LRMDA: variants seen among roughly 807,000 people sequenced by gnomAD.
LRMDA encodes the protein leucine rich melanocyte differentiation associated, also known as leucine-rich melanocyte differentiation-associated protein.
Under a neutral mutation model 29.8 loss-of-function variants are expected in LRMDA, and 18 were observed. That is an observed-to-expected ratio of 0.60 (90% CI 0.42 to 0.90). The LOEUF is 0.90. LRMDA is among the 40% of genes least tolerant of loss of function. The pLI is 0.00. For missense variants in LRMDA, 273 were observed against 273.9 expected (o/e 1.00, Z 0.02); for synonymous variants, 125 against 109.4 (o/e 1.14, Z -0.89).
At chr10:76,047,695 T>C (rs1436933712) in intron 4 of LRMDA, among the ~76,000 whole-genome samples, 1 of 152,196 alleles carries the variant, frequency 6.6e-6, no homozygotes, top group Non-Finnish European at 1.5e-5. Context: ...CAGGCCAGAT[T>C]TCACCCATGG....
chr10:75,649,377 C>G (rs757087682), intron 2 of LRMDA, among the ~76,000 whole-genome samples: 21 of 152,178 alleles, frequency 1.4e-4, no homozygotes, highest in Admixed American at 3.3e-4. Flanking sequence ...TTACTTCCAC[C>G]TTTTGGCTAT....
intron 5 of LRMDA, among the ~76,000 whole-genome samples, chr10:76,082,214 G>A (rs1319798060): frequency 2.6e-5 from 4 of 152,064 alleles, no homozygotes; most frequent in Non-Finnish European, 2.9e-5. Context: ...CTGTGTATAC[G>A]CAGGGGGCCC....
At chr10:75,709,061 A>G (rs1842404466) in intron 2 of LRMDA, among the ~76,000 whole-genome samples, 1 of 152,114 alleles carries the variant, frequency 6.6e-6, no homozygotes, top group Non-Finnish European at 1.5e-5. Flanking sequence ...TTGCATTGTC[A>G]TTTGCATGGA....
intron 2 of LRMDA, among the ~76,000 whole-genome samples, chr10:75,502,072 C>T (rs1173261366): frequency 6.6e-6 from 1 of 152,200 alleles, no homozygotes; most frequent in East Asian, 1.9e-4. Flanking sequence ...TCTTGTGGCT[C>T]TGCTCTCCCC....
intron 5 of LRMDA, among the ~76,000 whole-genome samples, chr10:76,216,440 T>TA (rs1422486014): frequency 6.6e-6 from 1 of 152,200 alleles, no homozygotes; most frequent in African/African-American, 2.4e-5. Flanking sequence ...GGATCAGTAT[T>TA]AAGAGTATGT....
chr10:75,875,058 C>T (rs1845173399), intron 2 of LRMDA, among the ~76,000 whole-genome samples: 1 of 152,204 alleles, frequency 6.6e-6, no homozygotes, highest in African/African-American at 2.4e-5. Flanking sequence ...ACTTAGCCAT[C>T]CACCAGCCCC....
intron 2 of LRMDA, among the ~76,000 whole-genome samples, chr10:75,841,815 A>G (rs1422965352): frequency 1.3e-5 from 2 of 152,196 alleles, no homozygotes; most frequent in African/African-American, 2.4e-5. Flanking sequence ...TGCTTGCTCC[A>G]GAACTGATCT....
In LRMDA at chr10:76,365,107, T is replaced by TATATATATATATATACACACAC. The variant is rs141131236; in HGVS notation, c.601+40623_601+40624insTATATATATATATACACACACA. Among the ~76,000 whole-genome samples, 134 of 61,226 alleles carry TATATATATATATATACACACAC rather than the reference T, an allele frequency of 2.2e-3. 2 individuals are homozygous for TATATATATATATATACACACAC. The highest frequency in any genetic ancestry group is 3.1e-3 in the Admixed American group (17 of 5,496). The allele number at this position is 61,226 out of a possible 152,430, so 40.2% of individuals were successfully genotyped here. ...ACACATATATATATATATATATATA[T>TATATATATATATATACACACAC]ACACACACACACATACACACCACAG... On this transcript the variant is annotated intron_variant, in intron 6 of 6. Coordinates refer to ENST00000611255, the MANE Select transcript of LRMDA (RefSeq NM_001305581.2).
chr10:75,813,047 C>T (rs1001204289), intron 2 of LRMDA, among the ~76,000 whole-genome samples: 10 of 152,140 alleles, frequency 6.6e-5, no homozygotes, highest in East Asian at 1.9e-4. Flanking sequence ...GAGAGTTACA[C>T]GGCTCCTGGG....
chr10:76,272,218 TC>T (rs1296715455), intron 5 of LRMDA, among the ~76,000 whole-genome samples: 1 of 152,196 alleles, frequency 6.6e-6, no homozygotes, highest in Admixed American at 6.5e-5. Context: ...CAGGTTGGCT[TC>T]CTGGGGGAAG....
Position 76,557,510 on chromosome 10 carries a change from T to C in LRMDA, c.*222T>C. The C allele has an allele frequency of 1.7e-6, 1 of 578,610 alleles. No individual in the cohort carries two copies. The highest frequency in any genetic ancestry group is 3.1e-6 in the Non-Finnish European group (1 of 325,798). 35.8% of individuals were successfully genotyped at this position (578,610 alleles called of 1,614,324 possible). A position where few individuals can be genotyped will look rare whatever the true frequency, so the allele number is the denominator to read the frequency against. ...ACATAGAGATTGACATGATTGCCCT[T>C]AAGCAGGTCTCATCCACCAGGGTGA... is the stretch of plus-strand genomic sequence containing the variant. On this transcript the variant is annotated 3_prime_UTR_variant, in exon 7 of 7. Transcript: ENST00000611255.
intron 2 of LRMDA, among the ~76,000 whole-genome samples, chr10:75,945,214 T>A (rs1348038084): frequency 6.6e-6 from 1 of 152,178 alleles, no homozygotes; most frequent in African/African-American, 2.4e-5. Flanking sequence ...ACTAATTGAG[T>A]CTCTCATGTG....
At chr10:75,669,311 G>A (rs1009746278) in intron 2 of LRMDA, among the ~76,000 whole-genome samples, 5 of 152,166 alleles carry the variant, frequency 3.3e-5, no homozygotes, top group Non-Finnish European at 7.4e-5. Context: ...TCCCTATGAG[G>A]TTCTCTGGGG....
At chr10:76,430,784 A>G (rs1231208089) in intron 6 of LRMDA, among the ~76,000 whole-genome samples, 5 of 152,220 alleles carry the variant, frequency 3.3e-5, no homozygotes, top group African/African-American at 1.2e-4. Flanking sequence ...AGTATAGAAT[A>G]TAGAGTTTCA....
At chr10:75,663,938 C>T (rs1055865846) in intron 2 of LRMDA, among the ~76,000 whole-genome samples, 10 of 152,200 alleles carry the variant, frequency 6.6e-5, no homozygotes, top group African/African-American at 1.2e-4. Context: ...TTAGAATATA[C>T]TCAGGGGCCC....
At chr10:75,950,017 C>A (rs528019596) in intron 2 of LRMDA, among the ~76,000 whole-genome samples, 86 of 152,312 alleles carry the variant, frequency 5.6e-4, no homozygotes, top group African/African-American at 2.0e-3. Flanking sequence ...TCTCTGGAAT[C>A]ACCTTGGTTC....
intron 2 of LRMDA, among the ~76,000 whole-genome samples, chr10:75,601,055 C>T (rs1380354009): frequency 2.0e-5 from 3 of 152,166 alleles, no homozygotes; most frequent in Admixed American, 6.5e-5. Flanking sequence ...TGAACCCTTG[C>T]GATTTCATTC....
At chr10:75,439,140 T>C (rs950857606) in intron 2 of LRMDA, among the ~76,000 whole-genome samples, 5 of 152,214 alleles carry the variant, frequency 3.3e-5, no homozygotes, top group Non-Finnish European at 7.3e-5. Flanking sequence ...AGGCAGTTAT[T>C]TCCTTTCTCC....
At chr10:76,473,174 T>A (rs1842634991) in intron 6 of LRMDA, among the ~76,000 whole-genome samples, 1 of 151,520 alleles carries the variant, frequency 6.6e-6, no homozygotes, top group Non-Finnish European at 1.5e-5. Flanking sequence ...CCAAGTAGGA[T>A]TTATTTCGGT....
Sources: gnomAD v4.1 joint callset for allele counts (sites outside exome capture counted in the v4.1 genomes callset) on GRCh38, gnomAD v4.1.1 for gene constraint, MANE v1.5 for transcripts, NCBI Gene and HGNC (gene_info 2026-07-23, HGNC 2026-07-21) for gene names.